GATA4: variants seen among roughly 807,000 people sequenced by gnomAD.
GATA4 encodes the protein transcription factor GATA-4.
GATA4 carries 7 observed loss-of-function variants against 37.9 expected under a neutral mutation model. The ratio of observed to expected loss-of-function variants is 0.18; its 90% CI spans 0.11 to 0.35. The LOEUF (loss-of-function observed/expected upper bound fraction) is 0.35, where lower values mean the gene tolerates loss of function less well. Among genes scored for constraint, GATA4 ranks in the 10% least tolerant of loss-of-function variants. The probability of loss-of-function intolerance (pLI) is 1.00; values close to 1 mark genes in which losing one functional copy is unlikely to be tolerated. For missense variants in GATA4, 647 were observed against 653.0 expected, an observed-to-expected ratio of 0.99 and a Z score of 0.10; for synonymous variants, 372 against 292.6, an observed-to-expected ratio of 1.27 and a Z score of -2.77.
intron 2 of GATA4, among the ~76,000 whole-genome samples, chr8:11,713,498 AG>A (rs1185790194): frequency 6.6e-6 from 1 of 152,122 alleles, no homozygotes; most frequent in African/African-American, 2.4e-5. Flanking sequence ...GGAGAGCCCT[AG>A]GGGAACGGTG....
In GATA4 at chr8:11,758,414, A is replaced by T; in HGVS notation, c.1271A>T (p.Lys424Met). Reference sequence around the variant, plus strand: ...AGCCAGTCTCCACAGACCAGCTCCAAGCAGGACTCTTGGAACAGCCTGGTC... The same window carrying T: ...AGCCAGTCTCCACAGACCAGCTCCATGCAGGACTCTTGGAACAGCCTGGTC... ...PVSQSPQTSS[K>M]QDSWNSLVLA... Residue 424 changes from lysine (K) to methionine (M), a missense_variant, in exon 7 of 7, where the codon AAG becomes ATG. Transcript: ENST00000532059. 6.2e-7 allele frequency: 1 copy of T among 1,614,226 alleles called. No individual in the cohort carries two copies. The highest frequency in any genetic ancestry group is 8.5e-7 in the Non-Finnish European group (1 of 1,180,040).
intron 2 of GATA4, among the ~76,000 whole-genome samples, chr8:11,740,235 C>G (rs1009581374): frequency 6.6e-6 from 1 of 152,130 alleles, no homozygotes; most frequent in Non-Finnish European, 1.5e-5. Flanking sequence ...TACCTGTCAG[C>G]CGGGACACTA....
chr8:11,752,941 A>G (rs570388020), intron 4 of GATA4, among the ~76,000 whole-genome samples: 5 of 152,264 alleles, frequency 3.3e-5, no homozygotes, highest in Non-Finnish European at 5.9e-5. Flanking sequence ...TTGTTCTTCA[A>G]TATGGGAATG....
In GATA4 at chr8:11,704,256, G is replaced by C. The variant is rs547949373; in HGVS notation, c.-506G>C. ...CGCGAGAGGCTTCGTCGCCGCTGCAGCTCCGGGGGCTCCCAGGGGAGCGTG... is the reference window on the plus strand; with the variant it reads ...CGCGAGAGGCTTCGTCGCCGCTGCACCTCCGGGGGCTCCCAGGGGAGCGTG... On this transcript the variant is annotated 5_prime_UTR_variant, in exon 1 of 7. Coordinates refer to ENST00000532059, the MANE Select transcript of GATA4 (RefSeq NM_001308093.3). The C allele has an allele frequency of 6.6e-6, 1 of 152,386 alleles. No individual in the cohort carries two copies. Among genetic ancestry groups the C allele is most frequent in the African/African-American group, 2.4e-5 (1 of 41,592 alleles). The allele number at this position is 152,386 out of a possible 1,614,324, so 9.4% of individuals were successfully genotyped here.
At position 11,709,548 on chromosome 8, in the gene GATA4, G is replaced by A. The variant is rs1007526910; in HGVS notation, c.616+620G>A. On this transcript the variant is annotated intron_variant, in intron 2 of 6. Transcript: ENST00000532059. The surrounding 1 kb of genome is among the most constrained non-coding windows in gnomAD (Gnocchi z 4.3). ...GGCACTGTGCGGGTGCCACCCGGCC[G>A]AGCGCGTGGGCGCATCATGCGGGCA... 6.7e-6 allele frequency among the ~76,000 whole-genome samples: 1 copy of A among 149,876 alleles called. No homozygotes were observed. The highest frequency in any genetic ancestry group is 1.5e-5 in the Non-Finnish European group (1 of 67,348).
chr8:11,745,938 G>A (rs1045130338), intron 2 of GATA4, among the ~76,000 whole-genome samples: 3 of 152,156 alleles, frequency 2.0e-5, no homozygotes, highest in East Asian at 3.9e-4. Flanking sequence ...TTAAGAGTTC[G>A]TTTTCATATT....
At position 11,708,295 on chromosome 8, in the gene GATA4, C is replaced by A. The variant is rs746522842; in HGVS notation, c.-18C>A. 47 of 1,571,608 alleles carry A rather than the reference C, an allele frequency of 3.0e-5. No homozygotes were observed. In the Admixed American group the frequency reaches 3.2e-4, roughly 11 times the overall value. ...CGAGGGAGAGAGAGGACACCGAAGCCGGGAGCTCGCAGGGACCATGTATCA... is the reference window on the plus strand; with the variant it reads ...CGAGGGAGAGAGAGGACACCGAAGCAGGGAGCTCGCAGGGACCATGTATCA... On this transcript the variant is annotated 5_prime_UTR_variant, in exon 2 of 7. Transcript: ENST00000532059. This position sits in a 1 kb window ranked among gnomAD's most constrained non-coding sequence, Gnocchi z 6.7.
chr8:11,730,878 G>A (rs556718522), intron 2 of GATA4, among the ~76,000 whole-genome samples: 17 of 152,230 alleles, frequency 1.1e-4, no homozygotes, highest in African/African-American at 2.7e-4. Flanking sequence ...CCCGGCCAGT[G>A]CCCTCTCTGT....
chr8:11,742,921 G>A (rs1801824848), intron 2 of GATA4, among the ~76,000 whole-genome samples: 1 of 152,256 alleles, frequency 6.6e-6, no homozygotes, highest in Non-Finnish European at 1.5e-5. Flanking sequence ...AGCCCCTTTG[G>A]TTCCCAGGGA....
At chr8:11,705,394 C>T (rs1410574528) in intron 1 of GATA4, among the ~76,000 whole-genome samples, 2 of 152,202 alleles carry the variant, frequency 1.3e-5, no homozygotes, top group African/African-American at 4.8e-5. Context: ...AGAGCGGAGG[C>T]GTAAACCCAG....
chr8:11,691,443 G>A (rs1370865224), upstream of GATA4, among the ~76,000 whole-genome samples: 2 of 152,154 alleles, frequency 1.3e-5, no homozygotes, highest in Non-Finnish European at 2.9e-5. Flanking sequence ...TGGGACTACA[G>A]GCACGTGCCA....
chr8:11,685,628 G>A (rs968054408), intron 1 of GATA4, among the ~76,000 whole-genome samples: 6 of 152,214 alleles, frequency 3.9e-5, no homozygotes, highest in African/African-American at 1.4e-4. Context: ...CAGTTGGTAG[G>A]AGTGATTTTT....
intron 2 of GATA4, among the ~76,000 whole-genome samples, chr8:11,715,389 A>G (rs575472756): frequency 2.0e-4 from 31 of 152,192 alleles, no homozygotes; most frequent in Non-Finnish European, 4.4e-4. Flanking sequence ...TGCCTTATTA[A>G]TCCATTTAAT....
At chr8:11,728,563 T>C (rs1353477409) in intron 2 of GATA4, among the ~76,000 whole-genome samples, 1 of 151,858 alleles carries the variant, frequency 6.6e-6, no homozygotes, top group Non-Finnish European at 1.5e-5. Context: ...TTTTACTTTC[T>C]GTAGGGGCAG....
intron 2 of GATA4, among the ~76,000 whole-genome samples, chr8:11,744,829 A>G (rs1046541654): frequency 1.3e-5 from 2 of 152,212 alleles, no homozygotes; most frequent in Admixed American, 6.5e-5. Context: ...TGACCCTTCT[A>G]TCGCAATGGG....
chr8:11,743,904 C>T (rs1801892367), intron 2 of GATA4, among the ~76,000 whole-genome samples: 1 of 152,142 alleles, frequency 6.6e-6, no homozygotes, highest in Non-Finnish European at 1.5e-5. Flanking sequence ...CTTTTTTTAG[C>T]AAGGTATGGG....
chr8:11,758,401 C>G lies in GATA4; in HGVS notation c.1258C>G (p.Gln420Glu). Residue 420 changes from glutamine (Q) to glutamate (E), a missense_variant, in exon 7 of 7, where the codon CAG becomes GAG. Coordinates refer to ENST00000532059, the MANE Select transcript of GATA4 (RefSeq NM_001308093.3). ...GYASPVSQSP[Q>E]TSSKQDSWNS... ...TGCGTCTCCCGTCAGCCAGTCTCCA[C>G]AGACCAGCTCCAAGCAGGACTCTTG... 2 of 1,614,232 alleles carry G rather than the reference C, an allele frequency of 1.2e-6. No individual in the cohort carries two copies. Among genetic ancestry groups the G allele is most frequent in the Non-Finnish European group, 1.7e-6 (2 of 1,180,018 alleles).
rs771755685 is a variant in GATA4 at position 11,758,379 on chromosome 8, G to A, written c.1236G>A (p.Ala412=). 1.0e-4 allele frequency: 163 copies of A among 1,614,134 alleles called. No homozygotes were observed. The highest frequency in any genetic ancestry group is 3.5e-4 in the South Asian group (32 of 91,084). ...TGAAGCTCTCCCCACAAGGCTATGC[G>A]TCTCCCGTCAGCCAGTCTCCACAGA... The part of the protein sequence containing the change: ...SALKLSPQGY[A]SPVSQSPQTS... The change falls in exon 7 of 7, where the codon GCG becomes GCA. Residue 412 remains alanine, a synonymous_variant. Transcript: ENST00000532059.
chr8:11,705,564 G>C (rs925423804), intron 1 of GATA4, among the ~76,000 whole-genome samples: 1 of 152,254 alleles, frequency 6.6e-6, no homozygotes, highest in African/African-American at 2.4e-5. Context: ...CAAGTGATCA[G>C]AAGGAGAGCA....
Sources: allele counts gnomAD v4.1 joint callset (sites outside exome capture counted in the v4.1 genomes callset), GRCh38; gene constraint gnomAD v4.1.1; non-coding constraint Gnocchi (gnomAD v3.1); transcripts MANE v1.5; gene names NCBI Gene and HGNC (gene_info 2026-07-23, HGNC 2026-07-21).